The following EYS variants were observed in gnomAD, a reference collection of about 807,000 sequenced individuals.
EYS encodes protein eyes shut homolog.
Under a neutral mutation model 282.1 loss-of-function variants are expected in EYS, and 250 were observed. The observed-to-expected ratio is 0.89, with a 90% CI of 0.80 to 0.98. EYS has a LOEUF of 0.98. Ranked by LOEUF, EYS falls within the 50% of genes least tolerant of loss-of-function variation. EYS has a pLI of 0.00. For synonymous variants in EYS, 1,355 were observed against 1,282.9 expected (o/e 1.06, Z -1.20); for missense variants, 4,016 against 3,709.0 (o/e 1.08, Z -2.15).
chr6:64,086,409 C>A (rs1163722767), intron 31 of EYS, among the ~76,000 whole-genome samples: 1 of 152,136 alleles, frequency 6.6e-6, no homozygotes, highest in Non-Finnish European at 1.5e-5. Flanking sequence ...TTACCTGAGA[C>A]CTTTGGTCAA....
At chr6:64,343,358 T>C (rs1479784341) in intron 29 of EYS, among the ~76,000 whole-genome samples, 1 of 151,900 alleles carries the variant, frequency 6.6e-6, no homozygotes, top group Non-Finnish European at 1.5e-5. Flanking sequence ...ACAAACTGTC[T>C]CTCAGACCAC....
At chr6:65,657,473 G>T (rs973767188) in intron 1 of EYS, among the ~76,000 whole-genome samples, 1 of 151,810 alleles carries the variant, frequency 6.6e-6, no homozygotes, top group Non-Finnish European at 1.5e-5. Flanking sequence ...AGATGACATT[G>T]AGGACCCAAG....
intron 5 of EYS, among the ~76,000 whole-genome samples, chr6:65,434,326 T>C (rs914426103): frequency 7.3e-5 from 11 of 151,672 alleles, no homozygotes; most frequent in African/African-American, 2.4e-4. Flanking sequence ...TGCATAATTT[T>C]TTTTTTTTTT....
rs1352817249 is a variant in EYS at position 65,580,811 on chromosome 6, T to G, written c.-333+58967A>C. On this transcript the variant is annotated intron_variant, in intron 2 of 42. Transcript: ENST00000503581. ...ACCAGAAATTTATAATGTTAAATAC[T>G]TCATCCTAAAACTTCAAGTGTCATG... Among the ~76,000 whole-genome samples the G allele has an allele frequency of 2.0e-5, 3 of 152,162 alleles. No homozygotes were observed. In the East Asian group the frequency reaches 5.8e-4, roughly 29 times the overall value.
At chr6:63,796,315 C>T (rs1770642806) in intron 37 of EYS, among the ~76,000 whole-genome samples, 1 of 152,168 alleles carries the variant, frequency 6.6e-6, no homozygotes, top group Non-Finnish European at 1.5e-5. Flanking sequence ...GGTTTAGAAG[C>T]TGTTCCTCGG....
intron 19 of EYS, among the ~76,000 whole-genome samples, chr6:64,825,609 G>T (rs923814906): frequency 1.3e-5 from 2 of 151,872 alleles, no homozygotes; most frequent in Admixed American, 1.3e-4. Flanking sequence ...TCCTTGCGAA[G>T]GTGAGAGTCA....
At chr6:64,443,208 G>A (rs898247165) in intron 26 of EYS, among the ~76,000 whole-genome samples, 10 of 152,170 alleles carry the variant, frequency 6.6e-5, no homozygotes, top group African/African-American at 2.2e-4. Context: ...AAATTTGACT[G>A]CCCTGCTGGA....
chr6:64,982,393 T>C (rs1311334046), intron 14 of EYS, among the ~76,000 whole-genome samples: 5 of 151,376 alleles, frequency 3.3e-5, no homozygotes, highest in Non-Finnish European at 7.4e-5. Context: ...ACATTAAGAA[T>C]CATTTATTTA....
At chr6:64,360,028 A>C (rs1041204058) in intron 29 of EYS, among the ~76,000 whole-genome samples, 1 of 151,744 alleles carries the variant, frequency 6.6e-6, no homozygotes, top group Non-Finnish European at 1.5e-5. Flanking sequence ...AAGTTTCTTC[A>C]TAATATGGGC....
At chr6:64,071,812 A>G (rs987109906) in intron 32 of EYS, among the ~76,000 whole-genome samples, 1 of 151,538 alleles carries the variant, frequency 6.6e-6, no homozygotes, top group African/African-American at 2.4e-5. Flanking sequence ...ATCATATCCA[A>G]ACAAATAAAA....
intron 31 of EYS, among the ~76,000 whole-genome samples, chr6:64,198,567 A>G (rs1028987451): frequency 6.6e-6 from 1 of 152,028 alleles, no homozygotes; most frequent in Admixed American, 6.5e-5. Context: ...ATGAGTGAGA[A>G]CATGTGGTGT....
intron 26 of EYS, among the ~76,000 whole-genome samples, chr6:64,505,450 C>T: frequency 6.6e-6 from 1 of 152,298 alleles, no homozygotes; most frequent in Non-Finnish European, 1.5e-5. Context: ...CAGGCCTATT[C>T]ACATGGAAAT....
At chr6:63,807,791 C>T (rs1351702674) in intron 36 of EYS, among the ~76,000 whole-genome samples, 1 of 151,088 alleles carries the variant, frequency 6.6e-6, no homozygotes, top group Non-Finnish European at 1.5e-5. Flanking sequence ...AATTTGTGTC[C>T]CTGAGATAAT....
intron 4 of EYS, among the ~76,000 whole-genome samples, chr6:65,492,072 A>G (rs566966504): frequency 6.6e-6 from 1 of 152,306 alleles, no homozygotes; most frequent in East Asian, 1.9e-4. Context: ...CATCCAGTCT[A>G]TGGTACTTTG....
At chr6:65,275,228 G>A (rs545172562) in intron 12 of EYS, among the ~76,000 whole-genome samples, 1 of 152,280 alleles carries the variant, frequency 6.6e-6, no homozygotes, top group East Asian at 1.9e-4. Context: ...CATCCGCTGT[G>A]GCTAACTATG....
chr6:65,003,064 G>C (rs1771518256), intron 13 of EYS, among the ~76,000 whole-genome samples: 1 of 147,704 alleles, frequency 6.8e-6, no homozygotes, highest in African/African-American at 2.4e-5. Context: ...AAAAGAACAG[G>C]ATAACAGCAA....
intron 13 of EYS, among the ~76,000 whole-genome samples, chr6:65,052,945 A>G (rs983845981): frequency 6.6e-6 from 1 of 151,776 alleles, no homozygotes; most frequent in Non-Finnish European, 1.5e-5. Flanking sequence ...TGAAGAAAAA[A>G]GATTCTACAG....
intron 12 of EYS, among the ~76,000 whole-genome samples, chr6:65,111,769 C>A (rs1236077425): frequency 6.6e-6 from 1 of 152,122 alleles, no homozygotes; most frequent in African/African-American, 2.4e-5. Flanking sequence ...ATCATTTGAA[C>A]CCAGGAGGTG....
At chr6:65,181,851 A>C (rs1185150304) in intron 12 of EYS, among the ~76,000 whole-genome samples, 1 of 152,136 alleles carries the variant, frequency 6.6e-6, no homozygotes, top group Non-Finnish European at 1.5e-5. Flanking sequence ...AATGTGTCAC[A>C]TATACACCAT....
Sources: gnomAD v4.1 joint callset for allele counts (sites outside exome capture counted in the v4.1 genomes callset) on GRCh38, gnomAD v4.1.1 for gene constraint, MANE v1.5 for transcripts, NCBI Gene and HGNC (gene_info 2026-07-23, HGNC 2026-07-21) for gene names.